IDH3A: variants seen among roughly 807,000 people sequenced by gnomAD.
The protein encoded by IDH3A is isocitrate dehydrogenase [NAD] subunit alpha, mitochondrial.
A neutral mutation model predicts 43.3 loss-of-function variants in IDH3A; 23 were observed. The observed-to-expected ratio is 0.53, with a 90% CI of 0.38 to 0.75. The LOEUF (loss-of-function observed/expected upper bound fraction) is 0.75. IDH3A is among the 30% of genes least tolerant of loss of function. The pLI is 0.00. For missense variants in IDH3A, 329 were observed against 474.4 expected, an observed-to-expected ratio of 0.69 and a Z score of 2.85; for synonymous variants, 154 against 163.5, an observed-to-expected ratio of 0.94 and a Z score of 0.44.
intron 3 of IDH3A, chr15:78,159,855 T>G: frequency 2.5e-6 from 1 of 405,292 alleles, no homozygotes; most frequent in African/African-American, 2.0e-5. Flanking sequence ...ATTAGCTGGG[T>G]GTGGTGGTGG....
At chr15:78,158,066 G>C (rs2074641452) in intron 3 of IDH3A, among the ~76,000 whole-genome samples, 1 of 151,924 alleles carries the variant, frequency 6.6e-6, no homozygotes, top group African/African-American at 2.4e-5. Context: ...AGTCCTGCTT[G>C]GGTTTAAGAT....
chr15:78,149,383 G>C lies in IDH3A; in HGVS notation c.-21G>C. 1 of 1,536,978 alleles carries C rather than the reference G, an allele frequency of 6.5e-7. No individual in the cohort carries two copies. The highest frequency in any genetic ancestry group is 2.5e-5 in the East Asian group (1 of 39,660). On this transcript the variant is annotated 5_prime_UTR_variant, in exon 1 of 11. Transcript: ENST00000299518. ...GCGCACTGCCGCTGCGGCTGTTGCT[G>C]CGGAGCCAGGAGGGGAAGCGATGGC...
chr15:78,171,085 C>G lies in IDH3A; in HGVS notation c.*2080C>G, dbSNP rs1004909223. ...CAGTATCAGCCATCTCTCTCCTACC[C>G]GCTCCACAGCCTACTGCTGGCTGTC... On this transcript the variant is annotated 3_prime_UTR_variant, in exon 11 of 11. Coordinates refer to ENST00000299518, the MANE Select transcript of IDH3A (RefSeq NM_005530.3). 2.3e-5 allele frequency: 4 copies of G among 177,242 alleles called. No individual in the cohort carries two copies. The highest frequency in any genetic ancestry group is 3.6e-5 in the Non-Finnish European group (3 of 83,302). 11.0% of individuals were successfully genotyped at this position (177,242 alleles called of 1,614,324 possible).
chr15:78,155,605 G>T, intron 2 of IDH3A: 1 of 197,642 alleles, frequency 5.1e-6, no homozygotes. Flanking sequence ...ACTAGTACAA[G>T]TTGAGAGAAA....
intron 6 of IDH3A, among the ~76,000 whole-genome samples, 186 bp downstream of exon 6, chr15:78,162,553 T>C (rs1431264125): frequency 6.6e-6 from 1 of 150,940 alleles, no homozygotes; most frequent in East Asian, 1.9e-4. Flanking sequence ...CTGTTTTTTT[T>C]TTTTTTTTTT....
intron 6 of IDH3A, among the ~76,000 whole-genome samples, chr15:78,163,257 TATAAAA>T (rs1182430402): frequency 6.6e-6 from 1 of 152,242 alleles, no homozygotes; most frequent in African/African-American, 2.4e-5. Flanking sequence ...TAGATAACAC[TATAAAA>T]ATATAGTCTT....
chr15:78,167,836 TAATTTGA>T (rs1424335473), intron 10 of IDH3A: 1 of 152,244 alleles, frequency 6.6e-6, no homozygotes, highest in Non-Finnish European at 1.5e-5. Context: ...AAAAATTCTG[TAATTTGA>T]AATTATATCG....
At chr15:78,159,927 G>A (rs949372203) in intron 3 of IDH3A, 165 bp from the exon 4 acceptor site, 32 of 543,540 alleles carry the variant, frequency 5.9e-5, no homozygotes, top group Admixed American at 2.4e-4. Context: ...CCTGGGAGGC[G>A]GAGGTTATAG....
chr15:78,166,138 C>G lies in IDH3A; in HGVS notation c.865-12C>G. ...TCTCTCCCTTGATGATGCTACTTTT[C>G]CCGATGTGTAGGTTCATGGGACGGC... On this transcript the variant is annotated splice_polypyrimidine_tract_variant and intron_variant, in intron 9 of 10. Coordinates refer to ENST00000299518, the MANE Select transcript of IDH3A (RefSeq NM_005530.3). The G allele has an allele frequency of 6.2e-7, 1 of 1,612,120 alleles. No individual in the cohort carries two copies. Among genetic ancestry groups the G allele is most frequent in the Non-Finnish European group, 8.5e-7 (1 of 1,178,340 alleles).
At chr15:78,149,513 G>T in intron 1 of IDH3A, 83 bp downstream of exon 1, 1 of 1,258,002 alleles carries the variant, frequency 7.9e-7, no homozygotes. Context: ...GGGTGTGGGC[G>T]GGCGCGTGGG....
At chr15:78,152,100 C>T (rs543043008) in intron 1 of IDH3A, among the ~76,000 whole-genome samples, 44 of 140,986 alleles carry the variant, frequency 3.1e-4, no homozygotes, top group Non-Finnish European at 6.2e-4. Context: ...CTCCTGTTGC[C>T]CAGGCTGGAG....
At chr15:78,158,711 A>G (rs2141946419) in intron 3 of IDH3A, among the ~76,000 whole-genome samples, 1 of 151,344 alleles carries the variant, frequency 6.6e-6, no homozygotes, top group African/African-American at 2.4e-5. Flanking sequence ...TCCTGACCTC[A>G]GGTGATCTGC....
intron 1 of IDH3A, 123 bp downstream of exon 1, chr15:78,149,553 G>A: frequency 1.3e-6 from 1 of 776,032 alleles, no homozygotes; most frequent in Non-Finnish European, 1.9e-6. Context: ...CTGCCCGCGG[G>A]GACAGCTTGG....
rs1488143780 is a variant in IDH3A, at chr15:78,170,464, G to T, written c.*1459G>T. 6.6e-6 allele frequency: 1 copy of T among 151,880 alleles called. No homozygotes were observed. Among genetic ancestry groups the T allele is most frequent in the African/African-American group, 2.4e-5 (1 of 41,260 alleles). 9.4% of individuals were successfully genotyped at this position (151,880 alleles called of 1,614,324 possible). ...AAATGTATTTTCCTTTGTTTAAGCT[G>T]CTGCTTCCTCTGTTTCATTGGATTG... On this transcript the variant is annotated 3_prime_UTR_variant, in exon 11 of 11. Transcript: ENST00000299518.
intron 10 of IDH3A, chr15:78,168,607 T>C (rs186426631): frequency 7.2e-5 from 15 of 208,196 alleles, no homozygotes; most frequent in Non-Finnish European, 3.8e-5. Flanking sequence ...TATTTAAATA[T>C]CCATGACCAA....
Position 78,169,116 on chromosome 15 carries a change from T to G in IDH3A, c.*111T>G. On this transcript the variant is annotated 3_prime_UTR_variant, in exon 11 of 11. Transcript: ENST00000299518. ...GGTTTGCTTGTTTCTTGACAGTACATTTTTAGATCTGGCCTTTTCTTAACA... is the reference window on the plus strand; with the variant it reads ...GGTTTGCTTGTTTCTTGACAGTACAGTTTTAGATCTGGCCTTTTCTTAACA... 1.7e-6 allele frequency: 1 copy of G among 592,460 alleles called. No individual in the cohort carries two copies. Among genetic ancestry groups the G allele is most frequent in the Non-Finnish European group, 2.9e-6 (1 of 345,894 alleles). 36.7% of individuals were successfully genotyped at this position (592,460 alleles called of 1,614,324 possible).
intron 10 of IDH3A, 23 bp downstream of exon 10, chr15:78,166,325 T>C: frequency 6.2e-7 from 1 of 1,611,844 alleles, no homozygotes; most frequent in South Asian, 1.1e-5. Context: ...TTGATTTACT[T>C]GTGCTGGGTA....
At chr15:78,156,770 A>G (rs1382301532) in intron 2 of IDH3A, 3 of 512,024 alleles carry the variant, frequency 5.9e-6, no homozygotes, top group Non-Finnish European at 9.7e-6. Flanking sequence ...TTATTTCTGC[A>G]TTTGAAATGC....
At chr15:78,165,517 A>T (rs936741960) in intron 9 of IDH3A, among the ~76,000 whole-genome samples, 1 of 152,056 alleles carries the variant, frequency 6.6e-6, no homozygotes, top group African/African-American at 2.4e-5. Context: ...ATACACCCAT[A>T]TATAAACATA....
Sources: gnomAD v4.1 joint callset for allele counts (sites outside exome capture counted in the v4.1 genomes callset) on GRCh38, gnomAD v4.1.1 for gene constraint, MANE v1.5 for transcripts, NCBI Gene and HGNC (gene_info 2026-07-23, HGNC 2026-07-21) for gene names.